Variants in NAA60 observed in about 807,000 individuals in gnomAD.
NAA60 encodes N-alpha-acetyltransferase 60, NatF catalytic subunit, also known as N-alpha-acetyltransferase 60.
NAA60 carries 8 observed loss-of-function variants against 26.1 expected under a neutral mutation model. That is an observed-to-expected ratio of 0.31 (90% CI 0.18 to 0.55). NAA60 has a LOEUF of 0.55. NAA60 is among the 20% of genes least tolerant of loss of function. NAA60 has a pLI of 0.93. For synonymous variants in NAA60, 131 were observed against 122.5 expected (o/e 1.07, Z -0.46); for missense variants, 290 against 311.3 (o/e 0.93, Z 0.51).
Position 3,476,313 on chromosome 16 carries a change from T to C in NAA60, c.86T>C (p.Leu29Pro). Residue 29 changes from leucine to proline, a missense_variant, in exon 3 of 8, where the codon CTG becomes CCG. By Grantham distance (98) the Leu-to-Pro change is moderately conservative (BLOSUM62 -3). Coordinates refer to ENST00000407558, the MANE Select transcript of NAA60 (RefSeq NM_001083601.3). The part of the protein sequence containing the change: ...CHDDIDTVKH[L>P]CGDWFPIEYP... ...GATGACATAGACACTGTGAAGCACCTGTGTGGCGACTGGTTCCCCATCGAG... is the reference window on the plus strand; with the variant it reads ...GATGACATAGACACTGTGAAGCACCCGTGTGGCGACTGGTTCCCCATCGAG... 1 of 1,611,884 alleles carries C rather than the reference T, an allele frequency of 6.2e-7. No individual in the cohort carries two copies. Among genetic ancestry groups the C allele is most frequent in the Non-Finnish European group, 8.5e-7 (1 of 1,178,536 alleles).
Position 3,444,198 on chromosome 16 carries a change from C to T in NAA60, c.-77+361C>T, listed in dbSNP as rs1273037819. On this transcript the variant is annotated intron_variant, in intron 1 of 7. Coordinates refer to ENST00000407558, the MANE Select transcript of NAA60 (RefSeq NM_001083601.3). ...CCCGGATACCTCACATGCAGCCTACCCTAGAGCCAGTCATTTCCTATTGTG... is the reference window on the plus strand; with the variant it reads ...CCCGGATACCTCACATGCAGCCTACTCTAGAGCCAGTCATTTCCTATTGTG... Among the ~76,000 whole-genome samples, 3 of 152,192 alleles carry T rather than the reference C, an allele frequency of 2.0e-5. No homozygotes were observed. In the East Asian group the frequency reaches 5.8e-4, roughly 29 times the overall value.
chr16:3,477,822 T>C (rs2036575318), intron 3 of NAA60, among the ~76,000 whole-genome samples: 1 of 152,068 alleles, frequency 6.6e-6, no homozygotes. Flanking sequence ...TCCCAGCACT[T>C]TGGGAGGCCG....
intron 2 of NAA60, among the ~76,000 whole-genome samples, chr16:3,461,444 C>G (rs1236904194): frequency 6.6e-6 from 1 of 152,184 alleles, no homozygotes; most frequent in Admixed American, 6.5e-5. Flanking sequence ...AAGGGCCACT[C>G]CCTAGTCCCA....
chr16:3,484,066 T>A (rs2037019776), intron 6 of NAA60, among the ~76,000 whole-genome samples: 1 of 152,210 alleles, frequency 6.6e-6, no homozygotes, highest in African/African-American at 2.4e-5. Context: ...GACCCAAAGG[T>A]ATGCCCTTCC....
chr16:3,451,481 A>G (rs374748926), intron 2 of NAA60, among the ~76,000 whole-genome samples: 3 of 152,228 alleles, frequency 2.0e-5, no homozygotes, highest in East Asian at 3.8e-4. Flanking sequence ...TTAAACCAAA[A>G]CCAAAATATG....
In NAA60 at chr16:3,485,037, CG is replaced by C. The variant is rs1567404577; in HGVS notation, c.*183del. On this transcript the variant is annotated 3_prime_UTR_variant, in exon 7 of 8. Transcript: ENST00000407558. ...TCGGGAACAGAACATCGTGGGCATG[CG>C]CAGAGCATGCCCATCCGTGGCAGGT... 2 of 1,510,204 alleles carry C rather than the reference CG, an allele frequency of 1.3e-6. No individual in the cohort carries two copies. Among genetic ancestry groups the C allele is most frequent in the Non-Finnish European group, 1.8e-6 (2 of 1,126,632 alleles). The allele number at this position is 1,510,204 out of a possible 1,614,324, so 93.6% of individuals were successfully genotyped here. A position where few individuals can be genotyped will look rare whatever the true frequency, so the allele number is the denominator to read the frequency against.
At chr16:3,480,533 G>A (rs989730135) in intron 4 of NAA60, among the ~76,000 whole-genome samples, 2 of 151,850 alleles carry the variant, frequency 1.3e-5, no homozygotes, top group African/African-American at 4.8e-5. Context: ...CGAGGCAGAG[G>A]TTGCAGTGAG....
At chr16:3,461,158 G>A (rs2035367588) in intron 2 of NAA60, among the ~76,000 whole-genome samples, 1 of 152,206 alleles carries the variant, frequency 6.6e-6, no homozygotes, top group Non-Finnish European at 1.5e-5. Flanking sequence ...GCTGATTAAA[G>A]AGAGACCTGT....
At chr16:3,456,589 G>A (rs762618769) in intron 2 of NAA60, 2 of 152,112 alleles carry the variant, frequency 1.3e-5, no homozygotes, top group Non-Finnish European at 2.9e-5. Context: ...GCTCTCTCTT[G>A]TTCACTGGTG....
At chr16:3,451,502 C>T (rs2034781353) in intron 2 of NAA60, among the ~76,000 whole-genome samples, 1 of 152,186 alleles carries the variant, frequency 6.6e-6, no homozygotes, top group Non-Finnish European at 1.5e-5. Flanking sequence ...TTAGATACAT[C>T]TGTAACACTC....
intron 2 of NAA60, among the ~76,000 whole-genome samples, chr16:3,466,633 G>C (rs1242623544): frequency 6.6e-6 from 1 of 152,194 alleles, no homozygotes; most frequent in East Asian, 1.9e-4. Context: ...AGCTGCAAGT[G>C]GTGTTTAATT....
chr16:3,469,085 C>CAAAAAAA (rs57070540), intron 2 of NAA60, among the ~76,000 whole-genome samples: 1 of 129,148 alleles, frequency 7.7e-6, no homozygotes. Flanking sequence ...GACAACATCT[C>CAAAAAAA]AAAAAAAAAA....
chr16:3,471,369 A>G (rs145346270), intron 2 of NAA60, among the ~76,000 whole-genome samples: 9,330 of 152,084 alleles, frequency 0.061, 380 homozygotes, highest in Admixed American at 0.084. Flanking sequence ...CAGGTGTGGT[A>G]GCAGGCCCCT....
chr16:3,474,355 A>G (rs913885923), intron 2 of NAA60, among the ~76,000 whole-genome samples: 2 of 152,322 alleles, frequency 1.3e-5, no homozygotes, highest in Admixed American at 1.3e-4. Context: ...CCCTGCCAGC[A>G]CTGTCCTGAC....
intron 4 of NAA60, 93 bp downstream of exon 4, chr16:3,479,693 C>A: frequency 6.8e-7 from 1 of 1,467,288 alleles, no homozygotes; most frequent in South Asian, 1.3e-5. Context: ...GCTCCACAGC[C>A]GTCGTCCAAG....
chr16:3,483,626 T>C, intron 6 of NAA60, 29 bp downstream of exon 6: 1 of 1,537,866 alleles, frequency 6.5e-7, no homozygotes, highest in South Asian at 1.1e-5. Context: ...GGAGAGGGAC[T>C]GTGGCTTCCT....
chr16:3,455,854 G>A (rs1378166365), intron 2 of NAA60, among the ~76,000 whole-genome samples: 2 of 151,774 alleles, frequency 1.3e-5, no homozygotes, highest in South Asian at 4.2e-4. Context: ...TTACAGGCAC[G>A]CACCACTATG....
Position 3,481,826 on chromosome 16 carries a change from C to T in NAA60, c.241-676C>T, listed in dbSNP as rs553510185. On this transcript the variant is annotated intron_variant, in intron 4 of 7. Transcript: ENST00000407558. ...GAAGAGGGCTGGGAGAGCAGGGAGC[C>T]TGGACAGGCTGACCCCAGCCCAGCA... Among the ~76,000 whole-genome samples, 18 of 152,272 alleles carry T rather than the reference C, an allele frequency of 1.2e-4. 1 individual carries two copies. The highest frequency in any genetic ancestry group is 4.3e-4 in the African/African-American group (18 of 41,548).
At chr16:3,447,277 A>G (rs1231700039) in intron 1 of NAA60, among the ~76,000 whole-genome samples, 2 of 152,260 alleles carry the variant, frequency 1.3e-5, no homozygotes, top group Non-Finnish European at 2.9e-5. Flanking sequence ...TTTGAAGACT[A>G]TGCGTTAAAA....
Sources: gnomAD v4.1 joint callset for allele counts (sites outside exome capture counted in the v4.1 genomes callset) on GRCh38, gnomAD v4.1.1 for gene constraint, MANE v1.5 for transcripts, NCBI Gene and HGNC (gene_info 2026-07-23, HGNC 2026-07-21) for gene names.